Variants in TRAK1 observed in about 807,000 individuals in gnomAD.
TRAK1 encodes the protein trafficking kinesin-binding protein 1.
In TRAK1, 33 loss-of-function variants were observed where a neutral mutation model predicts 92.1. That is an observed-to-expected ratio of 0.36 (90% CI 0.27 to 0.48). The LOEUF is 0.48. Ranked by LOEUF, TRAK1 falls within the 20% of genes least tolerant of loss-of-function variation. TRAK1 has a pLI of 0.99. For missense variants in TRAK1, 1,123 were observed against 1,257.9 expected, an observed-to-expected ratio of 0.89 and a Z score of 1.62; for synonymous variants, 521 against 517.3, an observed-to-expected ratio of 1.01 and a Z score of -0.10.
chr3:42,080,937 C>T lies in TRAK1; in HGVS notation c.-518-6167C>T, dbSNP rs550923427. On this transcript the variant is annotated intron_variant, in intron 1 of 16. Coordinates refer to the TRAK1 transcript ENST00000487159. ...TCACCCAGGCTGGGGTGGAGTGGCACAATCATGGCTCTCTACAGCCTCAAC... is the reference window on the plus strand; with the variant it reads ...TCACCCAGGCTGGGGTGGAGTGGCATAATCATGGCTCTCTACAGCCTCAAC... Among the ~76,000 whole-genome samples the T allele has an allele frequency of 4.6e-5, 7 of 152,156 alleles. No homozygotes were observed. The East Asian group carries it at 7.7e-4, about 17-fold the overall frequency.
intron 1 of TRAK1, among the ~76,000 whole-genome samples, chr3:42,066,648 G>A (rs1576226526): frequency 6.6e-6 from 1 of 152,192 alleles, no homozygotes; most frequent in African/African-American, 2.4e-5. Context: ...TTTGTAGCCT[G>A]TGTGTTTCCT....
rs553146340 is a variant in TRAK1, at chr3:42,211,102, C to T, written c.1963+1117C>T. ...CCTGTGTTGTCATCCTCATGACATT[C>T]CTGAGGATTCACCAGGTTAGAAGTG... On this transcript the variant is annotated intron_variant, in intron 14 of 15. Transcript: ENST00000327628. The T allele has an allele frequency of 1.0e-5, 10 of 985,356 alleles. No homozygotes were observed. In the South Asian group the frequency reaches 4.7e-4, roughly 46 times the overall value. 61.0% of individuals were successfully genotyped at this position (985,356 alleles called of 1,614,324 possible).
chr3:42,025,867 C>G (rs1343938408), intron 1 of TRAK1, among the ~76,000 whole-genome samples: 1 of 152,126 alleles, frequency 6.6e-6, no homozygotes, highest in South Asian at 2.1e-4. Flanking sequence ...TGTTCACTTC[C>G]CACATATGGC....
intron 1 of TRAK1, among the ~76,000 whole-genome samples, chr3:42,062,870 A>G (rs984084984): frequency 6.6e-6 from 1 of 152,158 alleles, no homozygotes; most frequent in Non-Finnish European, 1.5e-5. Context: ...CACTGCAGTG[A>G]AGGCGTGTTT....
chr3:42,108,074 AT>A (rs1265417325), intron 1 of TRAK1, among the ~76,000 whole-genome samples: 1 of 152,078 alleles, frequency 6.6e-6, no homozygotes, highest in African/African-American at 2.4e-5. Context: ...TTGTAGTCTC[AT>A]TTTGCAGCAG....
chr3:42,070,108 C>T (rs1703853658), intron 1 of TRAK1, among the ~76,000 whole-genome samples: 1 of 151,796 alleles, frequency 6.6e-6, no homozygotes, highest in Admixed American at 6.6e-5. Context: ...CGCCTTGGCC[C>T]CACAAAGGCC....
chr3:42,082,468 C>T (rs999904155), upstream of TRAK1, among the ~76,000 whole-genome samples: 1 of 151,958 alleles, frequency 6.6e-6, no homozygotes, highest in African/African-American at 2.4e-5. Context: ...CGTAGTGGTG[C>T]GTGCCTGTAG....
chr3:42,128,002 A>G (rs1710811145), intron 2 of TRAK1, among the ~76,000 whole-genome samples: 1 of 152,130 alleles, frequency 6.6e-6, no homozygotes, highest in South Asian at 2.1e-4. Flanking sequence ...AACGTGGAGA[A>G]ACCCCATCTC....
chr3:42,095,182 G>A (rs1168845031), intron 1 of TRAK1, among the ~76,000 whole-genome samples: 1 of 152,192 alleles, frequency 6.6e-6, no homozygotes, highest in Non-Finnish European at 1.5e-5. Context: ...TTACTGAGGA[G>A]TAGCTCTGTG....
In TRAK1 at chr3:42,202,522, G is replaced by A. The variant is rs763629549; in HGVS notation, c.1514G>A (p.Arg505His). The A allele has an allele frequency of 1.2e-5, 18 of 1,543,218 alleles. No individual in the cohort carries two copies. The highest frequency in any genetic ancestry group is 1.6e-5 in the Non-Finnish European group (18 of 1,137,642). ...ACGGCGCTGAGGCGGCTGTCCCTGCGCCGGGAGAACTACCTCTCGGAGAGG... is the reference window on the plus strand; with the variant it reads ...ACGGCGCTGAGGCGGCTGTCCCTGCACCGGGAGAACTACCTCTCGGAGAGG... ...LETALRRLSLRRENYLSERRF... is the reference protein window; with the variant it reads ...LETALRRLSLHRENYLSERRF... Residue 505 changes from arginine to histidine, a missense_variant, in exon 13 of 16, where the codon CGC becomes CAC. Arg to His is a conservative substitution (Grantham distance 29, BLOSUM62 0). Around this residue, in one of 3 missense-constraint regions of TRAK1, gnomAD observed 686 missense variants for 747.6 expected, o/e 0.92. Transcript: ENST00000327628. The surrounding 1 kb of genome is among the most constrained non-coding windows in gnomAD (Gnocchi z 6.1).
At chr3:42,197,092 C>T (rs1398842502) in intron 10 of TRAK1, among the ~76,000 whole-genome samples, 1 of 150,546 alleles carries the variant, frequency 6.6e-6, no homozygotes, top group Non-Finnish European at 1.5e-5. Context: ...TTTTATTTGC[C>T]TAAAAATATT....
intron 1 of TRAK1, among the ~76,000 whole-genome samples, chr3:42,021,247 G>C (rs1238006331): frequency 1.3e-5 from 2 of 152,146 alleles, no homozygotes; most frequent in Non-Finnish European, 2.9e-5. Context: ...TTTCTTAGTA[G>C]AGAATAAAAG....
chr3:42,181,044 G>A (rs145732764), intron 3 of TRAK1, among the ~76,000 whole-genome samples: 68 of 152,280 alleles, frequency 4.5e-4, no homozygotes, highest in Admixed American at 1.7e-3. Context: ...GGTGTGACAG[G>A]TAGGACAAAG....
At position 42,032,832 on chromosome 3, in the gene TRAK1, G is replaced by A. The variant is rs577845477; in HGVS notation, c.-519+18715G>A. 2.0e-5 allele frequency among the ~76,000 whole-genome samples: 3 copies of A among 152,264 alleles called. No individual in the cohort carries two copies. The East Asian group carries it at 5.8e-4, about 29-fold the overall frequency. Reference sequence around the variant, plus strand: ...CAGCTACTCAGAGGCCGAGGTGGGAGGATCTCTTGAGCCCGAGAGTTCAAG... The same window carrying A: ...CAGCTACTCAGAGGCCGAGGTGGGAAGATCTCTTGAGCCCGAGAGTTCAAG... On this transcript the variant is annotated intron_variant, in intron 1 of 16. Coordinates refer to the TRAK1 transcript ENST00000487159.
At chr3:42,138,192 A>G (rs1698189349) in intron 2 of TRAK1, among the ~76,000 whole-genome samples, 1 of 152,222 alleles carries the variant, frequency 6.6e-6, no homozygotes, top group Admixed American at 6.5e-5. Flanking sequence ...CCCTATAGAC[A>G]TATGCACTTA....
intron 9 of TRAK1, 39 bp from the exon 10 acceptor site, chr3:42,194,765 T>C: frequency 1.2e-6 from 2 of 1,608,250 alleles, no homozygotes; most frequent in Non-Finnish European, 1.7e-6. Flanking sequence ...ACCTGGGTGC[T>C]CAGGAGATCC....
intron 2 of TRAK1, among the ~76,000 whole-genome samples, chr3:42,154,217 G>C (rs1700279283): frequency 1.3e-5 from 2 of 152,024 alleles, no homozygotes; most frequent in South Asian, 4.1e-4. Flanking sequence ...GTGTCATCCA[G>C]GCTGGAGTGC....
intron 2 of TRAK1, chr3:42,160,308 AC>A: frequency 2.5e-6 from 4 of 1,599,970 alleles, no homozygotes; most frequent in Non-Finnish European, 2.6e-6. Flanking sequence ...GGTCGGGGGC[AC>A]CCCCAAGGAT....
chr3:42,042,193 C>T (rs1266460688), intron 1 of TRAK1, among the ~76,000 whole-genome samples: 1 of 152,152 alleles, frequency 6.6e-6, no homozygotes, highest in East Asian at 1.9e-4. Flanking sequence ...TCCCAAAGTG[C>T]TGGGATTACA....
Sources: gnomAD v4.1 joint callset for allele counts (sites outside exome capture counted in the v4.1 genomes callset) on GRCh38, gnomAD v4.1.1 for gene constraint, gnomAD v4.1.1 regional missense constraint, Gnocchi (gnomAD v3.1) non-coding constraint, MANE v1.5 for transcripts, NCBI Gene and HGNC (gene_info 2026-07-23, HGNC 2026-07-21) for gene names.